NR3C2: variants seen among roughly 807,000 people sequenced by gnomAD.
NR3C2 encodes the protein mineralocorticoid receptor.
Under a neutral mutation model 86.4 loss-of-function variants are expected in NR3C2, and 15 were observed. The observed-to-expected ratio is 0.17, with a 90% CI of 0.12 to 0.27. The LOEUF (loss-of-function observed/expected upper bound fraction) is 0.27. Ranked by LOEUF, NR3C2 falls within the 10% of genes least tolerant of loss-of-function variation. The pLI is 1.00. For missense variants in NR3C2, 960 were observed against 1,195.6 expected, an observed-to-expected ratio of 0.80 and a Z score of 2.91; for synonymous variants, 458 against 450.5, an observed-to-expected ratio of 1.02 and a Z score of -0.21.
At chr4:148,260,946 T>C (rs1335757820) in intron 2 of NR3C2, among the ~76,000 whole-genome samples, 1 of 152,246 alleles carries the variant, frequency 6.6e-6, no homozygotes, top group African/African-American at 2.4e-5. Flanking sequence ...TAAGGAATCA[T>C]AGTTCAGTGA....
At position 148,194,972 on chromosome 4, in the gene NR3C2, C is replaced by T. The variant is rs1027374470; in HGVS notation, c.1898-110G>A. Reference sequence around the variant, plus strand: ...TTCTTTCCTGCCTTGAAATCTCTTTCTCAAAAAAGTAAAAGTACATGATTT... The same window carrying T: ...TTCTTTCCTGCCTTGAAATCTCTTTTTCAAAAAAGTAAAAGTACATGATTT... On this transcript the variant is annotated intron_variant, in intron 3 of 8. Coordinates refer to ENST00000358102, the MANE Select transcript of NR3C2 (RefSeq NM_000901.5). The T allele has an allele frequency of 1.1e-5, 9 of 832,072 alleles. No individual in the cohort carries two copies. The African/African-American group carries it at 1.5e-4, about 14-fold the overall frequency. 51.5% of individuals were successfully genotyped at this position (832,072 alleles called of 1,614,324 possible).
At chr4:148,140,874 C>T (rs1453658597) in intron 6 of NR3C2, among the ~76,000 whole-genome samples, 4 of 152,084 alleles carry the variant, frequency 2.6e-5, no homozygotes, top group Non-Finnish European at 4.4e-5. Flanking sequence ...TTCATACTAC[C>T]CTGGCAATTA....
chr4:148,169,899 T>G (rs1295343602), intron 4 of NR3C2, among the ~76,000 whole-genome samples: 8 of 152,216 alleles, frequency 5.3e-5, no homozygotes, highest in Admixed American at 5.2e-4. Context: ...TTTCCTGCAC[T>G]TTAGAATTGA....
chr4:148,372,840 C>T (rs1320959396), intron 2 of NR3C2, among the ~76,000 whole-genome samples: 1 of 152,142 alleles, frequency 6.6e-6, no homozygotes, highest in African/African-American at 2.4e-5. Flanking sequence ...ATAGTTTAAC[C>T]CCTTTTAAGA....
At chr4:148,155,682 T>G (rs7442442) in intron 4 of NR3C2, among the ~76,000 whole-genome samples, 13,603 of 148,310 alleles carry the variant, frequency 0.092, 2,030 homozygotes, top group African/African-American at 0.31. Context: ...AATGGCCATA[T>G]TGCCCAAGGT....
At chr4:148,416,827 G>A (rs554351437) in intron 2 of NR3C2, among the ~76,000 whole-genome samples, 2 of 152,090 alleles carry the variant, frequency 1.3e-5, no homozygotes, top group African/African-American at 4.8e-5. Context: ...CCAGGCTGGA[G>A]TGCAATGGCA....
intron 6 of NR3C2, among the ~76,000 whole-genome samples, chr4:148,136,677 G>A (rs762918035): frequency 2.6e-5 from 4 of 151,722 alleles, no homozygotes; most frequent in Non-Finnish European, 4.4e-5. Context: ...ATGGAGTTTC[G>A]CTCTTGTTGT....
At chr4:148,367,660 G>A (rs1746215305) in intron 2 of NR3C2, among the ~76,000 whole-genome samples, 1 of 151,832 alleles carries the variant, frequency 6.6e-6, no homozygotes, top group African/African-American at 2.4e-5. Flanking sequence ...AAATCACAAA[G>A]GCAAGTGTAA....
At position 148,430,791 on chromosome 4, in the gene NR3C2, A is replaced by T. The variant is rs1161236343; in HGVS notation, c.1757+4313T>A. On this transcript the variant is annotated intron_variant, in intron 2 of 8. Coordinates refer to ENST00000358102, the MANE Select transcript of NR3C2 (RefSeq NM_000901.5). ...AGTAAAAGGGCAAACTTTGTCACAA[A>T]CTCCCCGAATTCTGATGTTTGGTTT... Among the ~76,000 whole-genome samples the T allele has an allele frequency of 2.0e-5, 3 of 152,106 alleles. No homozygotes were observed. In the East Asian group the frequency reaches 5.8e-4, roughly 29 times the overall value.
At chr4:148,352,348 T>C (rs1745323508) in intron 2 of NR3C2, among the ~76,000 whole-genome samples, 1 of 151,476 alleles carries the variant, frequency 6.6e-6, no homozygotes. Context: ...AAATAATAAA[T>C]CTTAACTCTA....
intron 6 of NR3C2, among the ~76,000 whole-genome samples, chr4:148,122,285 A>C (rs1165411093): frequency 6.6e-6 from 1 of 152,124 alleles, no homozygotes; most frequent in Non-Finnish European, 1.5e-5. Flanking sequence ...TATTCCTAAT[A>C]ATTTTTTGCC....
intron 2 of NR3C2, among the ~76,000 whole-genome samples, chr4:148,373,948 C>T (rs937097732): frequency 6.6e-6 from 1 of 152,158 alleles, no homozygotes; most frequent in Non-Finnish European, 1.5e-5. Context: ...GGAATGAAAA[C>T]TCTTGGACAA....
At position 148,223,056 on chromosome 4, in the gene NR3C2, T is replaced by C. The variant is rs529232514; in HGVS notation, c.1898-28194A>G. 2.6e-5 allele frequency among the ~76,000 whole-genome samples: 4 copies of C among 152,330 alleles called. 1 individual carries two copies. Among genetic ancestry groups the C allele is most frequent in the South Asian group, 4.1e-4 (2 of 4,830 alleles). On this transcript the variant is annotated intron_variant, in intron 3 of 8. Transcript: ENST00000358102. ...GAGCAAATGGAAACAATGTAAACTA[T>C]AATTCTTAGAAATAATATTTTAAAA...
chr4:148,124,468 C>T (rs1228093180), intron 6 of NR3C2, among the ~76,000 whole-genome samples: 1 of 152,120 alleles, frequency 6.6e-6, no homozygotes, highest in Non-Finnish European at 1.5e-5. Context: ...TTGTCATTCT[C>T]CTGAAGGTAG....
chr4:148,319,704 T>C lies in NR3C2; in HGVS notation c.1758-59587A>G, dbSNP rs564696693. ...GTCTGTTGTTGGTGTATAAGAATGC[T>C]TGTGATTTTTGTACATTGATTTTGT... On this transcript the variant is annotated intron_variant, in intron 2 of 8. Transcript: ENST00000358102. Among the ~76,000 whole-genome samples, 17 of 151,188 alleles carry C rather than the reference T, an allele frequency of 1.1e-4. No homozygotes were observed. In the South Asian group the frequency reaches 1.7e-3, roughly 15 times the overall value.
chr4:148,375,095 A>G (rs987854979), intron 2 of NR3C2, among the ~76,000 whole-genome samples: 1 of 152,208 alleles, frequency 6.6e-6, no homozygotes, highest in Non-Finnish European at 1.5e-5. Flanking sequence ...TTTTGAAAAA[A>G]TAATTACAAT....
chr4:148,203,148 T>C lies in NR3C2; in HGVS notation c.1898-8286A>G, dbSNP rs140612383. On this transcript the variant is annotated intron_variant, in intron 3 of 8. Coordinates refer to ENST00000358102, the MANE Select transcript of NR3C2 (RefSeq NM_000901.5). The stretch of plus-strand genomic sequence containing the variant: ...TGATCTATTGCTTAATAATTTGTTA[T>C]ATGCCAGAGCCATTAATAAATCTGA... 3.4e-3 allele frequency among the ~76,000 whole-genome samples: 523 copies of C among 152,310 alleles called. 1 individual carries two copies. The highest frequency in any genetic ancestry group is 0.012 in the African/African-American group (480 of 41,578).
chr4:148,225,174 C>G lies in NR3C2; in HGVS notation c.1898-30312G>C, dbSNP rs1423769900. Among the ~76,000 whole-genome samples, 13 of 152,238 alleles carry G rather than the reference C, an allele frequency of 8.5e-5. No individual in the cohort carries two copies. In the East Asian group the frequency reaches 2.5e-3, roughly 29 times the overall value. Reference sequence around the variant, plus strand: ...CTGGCTTAACTAGAATGCAGTCTCTCTGACTCTCAACCCTAGCTTACTCAA... The same window carrying G: ...CTGGCTTAACTAGAATGCAGTCTCTGTGACTCTCAACCCTAGCTTACTCAA... On this transcript the variant is annotated intron_variant, in intron 3 of 8. Coordinates refer to ENST00000358102, the MANE Select transcript of NR3C2 (RefSeq NM_000901.5).
chr4:148,382,185 G>GA (rs1371185235), intron 2 of NR3C2, among the ~76,000 whole-genome samples: 1 of 152,156 alleles, frequency 6.6e-6, no homozygotes, highest in Non-Finnish European at 1.5e-5. Flanking sequence ...AAGTCAAAGA[G>GA]AACAATCTCC....
Sources: gnomAD v4.1 joint callset for allele counts (sites outside exome capture counted in the v4.1 genomes callset) on GRCh38, gnomAD v4.1.1 for gene constraint, MANE v1.5 for transcripts, NCBI Gene and HGNC (gene_info 2026-07-23, HGNC 2026-07-21) for gene names.